The following PLCL2 variants were observed in gnomAD, a reference collection of about 807,000 sequenced individuals.
PLCL2 encodes the protein inactive phospholipase C-like protein 2.
A neutral mutation model predicts 79.6 loss-of-function variants in PLCL2; 4 were observed. That is an observed-to-expected ratio of 0.05 (90% CI 0.02 to 0.11). The LOEUF (loss-of-function observed/expected upper bound fraction) is 0.11. Ranked by LOEUF, PLCL2 falls within the 10% of genes least tolerant of loss-of-function variation. The probability of loss-of-function intolerance (pLI) is 1.00; values close to 1 mark genes in which losing one functional copy is unlikely to be tolerated. For synonymous variants in PLCL2, 484 were observed against 457.7 expected, an observed-to-expected ratio of 1.06 and a Z score of -0.73; for missense variants, 895 against 1,291.0, an observed-to-expected ratio of 0.69 and a Z score of 4.70.
chr3:17,057,808 A>G (rs1330995146), intron 4 of PLCL2, among the ~76,000 whole-genome samples: 1 of 152,234 alleles, frequency 6.6e-6, no homozygotes, highest in Non-Finnish European at 1.5e-5. Context: ...TGCCAAGAAC[A>G]GTGTTTGGTA....
chr3:17,033,988 C>T (rs1441677285), intron 3 of PLCL2, among the ~76,000 whole-genome samples: 3 of 152,126 alleles, frequency 2.0e-5, no homozygotes, highest in Non-Finnish European at 4.4e-5. Context: ...TTTAGGATTG[C>T]AGAACTGTCA....
At chr3:16,967,307 G>A (rs1409080062) in intron 1 of PLCL2, among the ~76,000 whole-genome samples, 1 of 152,032 alleles carries the variant, frequency 6.6e-6, no homozygotes, top group African/African-American at 2.4e-5. Context: ...TAGGGTGAAT[G>A]TAATTCTGTT....
At chr3:16,994,515 CT>C (rs1170399563) in intron 1 of PLCL2, among the ~76,000 whole-genome samples, 1 of 149,930 alleles carries the variant, frequency 6.7e-6, no homozygotes, top group Non-Finnish European at 1.5e-5. Flanking sequence ...CATATAACAC[CT>C]CTAAGTAGAA....
chr3:17,058,271 C>A (rs1386092233), intron 4 of PLCL2, among the ~76,000 whole-genome samples: 3 of 152,160 alleles, frequency 2.0e-5, no homozygotes, highest in African/African-American at 7.2e-5. Context: ...ACAGGAACAG[C>A]AAATGAGGTG....
intron 4 of PLCL2, among the ~76,000 whole-genome samples, chr3:17,048,762 A>G (rs552963395): frequency 6.6e-6 from 1 of 152,298 alleles, no homozygotes; most frequent in African/African-American, 2.4e-5. Context: ...TCATTCCAGT[A>G]AGTTGCATTC....
At chr3:16,885,524 C>T (rs1696199448) in intron 1 of PLCL2, among the ~76,000 whole-genome samples, 158 bp downstream of exon 1, 1 of 152,210 alleles carries the variant, frequency 6.6e-6, no homozygotes, top group African/African-American at 2.4e-5. Context: ...ATGCAAATGG[C>T]ATGTGGAAAG....
At chr3:16,927,276 G>C (rs1227430471) in intron 1 of PLCL2, among the ~76,000 whole-genome samples, 1 of 152,010 alleles carries the variant, frequency 6.6e-6, no homozygotes, top group African/African-American at 2.4e-5. Context: ...AGTGACCAAA[G>C]TGAATATTTT....
At chr3:16,979,390 G>C (rs1272803316) in intron 1 of PLCL2, among the ~76,000 whole-genome samples, 4 of 137,960 alleles carry the variant, frequency 2.9e-5, no homozygotes, top group Non-Finnish European at 6.2e-5. Context: ...CGCAGAGGGG[G>C]ATTTGGCAGG....
At chr3:17,076,174 A>G (rs1482340916) in intron 5 of PLCL2, among the ~76,000 whole-genome samples, 2 of 152,110 alleles carry the variant, frequency 1.3e-5, no homozygotes, top group Non-Finnish European at 2.9e-5. Flanking sequence ...ATCCTTGTCA[A>G]CACTTGGAAT....
chr3:17,064,916 G>A (rs2064993510), intron 4 of PLCL2, among the ~76,000 whole-genome samples: 1 of 138,470 alleles, frequency 7.2e-6, no homozygotes, highest in African/African-American at 2.7e-5. Flanking sequence ...GCAGCAGAGT[G>A]AGACTCTGTC....
At chr3:16,962,627 T>C (rs899689216) in intron 1 of PLCL2, among the ~76,000 whole-genome samples, 1 of 152,156 alleles carries the variant, frequency 6.6e-6, no homozygotes. Context: ...AAACTTGATA[T>C]TGTTAAAATT....
At chr3:17,041,325 A>G (rs943164508) in intron 3 of PLCL2, among the ~76,000 whole-genome samples, 1 of 152,206 alleles carries the variant, frequency 6.6e-6, no homozygotes, top group East Asian at 1.9e-4. Context: ...CCTGTAGGTC[A>G]GGTATCCCTG....
At chr3:16,962,997 C>A (rs1465467563) in intron 1 of PLCL2, among the ~76,000 whole-genome samples, 10 of 151,978 alleles carry the variant, frequency 6.6e-5, no homozygotes, top group Admixed American at 6.5e-4. Context: ...AAAATAGCTT[C>A]TTTTGAATTA....
At chr3:16,991,458 T>C (rs2064104668) in intron 1 of PLCL2, among the ~76,000 whole-genome samples, 1 of 152,226 alleles carries the variant, frequency 6.6e-6, no homozygotes, top group Non-Finnish European at 1.5e-5. Context: ...TGGATTTTTC[T>C]GGATCATGGG....
At chr3:16,890,074 AC>A (rs1381945415) in intron 1 of PLCL2, among the ~76,000 whole-genome samples, 3 of 152,240 alleles carry the variant, frequency 2.0e-5, no homozygotes, top group African/African-American at 7.2e-5. Context: ...TTTAGACCAC[AC>A]AAGTTAACTG....
In PLCL2 at chr3:17,010,732, T is replaced by C. The variant is rs767422379; in HGVS notation, c.1386T>C (p.Ala462=). The C allele has an allele frequency of 1.2e-6, 2 of 1,614,152 alleles. No homozygotes were observed. Among genetic ancestry groups the C allele is most frequent in the Non-Finnish European group, 1.7e-6 (2 of 1,180,012 alleles). The change falls in exon 2 of 6, where the codon GCT becomes GCC. Residue 462 remains alanine (A), a synonymous_variant. Transcript: ENST00000615277. The surrounding 1 kb of genome is among the most constrained non-coding windows in gnomAD (Gnocchi z 5.8). The part of the protein sequence containing the change: ...GPSDITGYIR[A]LKMGCRSVEL... ...CCGACATCACAGGATATATTCGAGCTCTTAAAATGGGTTGCCGGAGTGTTG... is the reference window on the plus strand; with the variant it reads ...CCGACATCACAGGATATATTCGAGCCCTTAAAATGGGTTGCCGGAGTGTTG...
intron 5 of PLCL2, chr3:17,081,503 G>A (rs1214768950): frequency 1.5e-5 from 4 of 268,622 alleles, no homozygotes; most frequent in African/African-American, 9.0e-5. Context: ...AATCCCTGTT[G>A]TTTTGCCCCT....
At chr3:17,054,607 T>C (rs967507558) in intron 4 of PLCL2, among the ~76,000 whole-genome samples, 3 of 151,980 alleles carry the variant, frequency 2.0e-5, no homozygotes, top group African/African-American at 7.3e-5. Flanking sequence ...TGCCATACAT[T>C]TTTAAACAAC....
At chr3:16,890,098 A>G (rs1696312402) in intron 1 of PLCL2, among the ~76,000 whole-genome samples, 1 of 152,244 alleles carries the variant, frequency 6.6e-6, no homozygotes, top group Non-Finnish European at 1.5e-5. Flanking sequence ...GAAAGGCCAA[A>G]GCATGGTTGC....
Sources: gnomAD v4.1 joint callset for allele counts (sites outside exome capture counted in the v4.1 genomes callset) on GRCh38, gnomAD v4.1.1 for gene constraint, Gnocchi (gnomAD v3.1) non-coding constraint, MANE v1.5 for transcripts, NCBI Gene and HGNC (gene_info 2026-07-23, HGNC 2026-07-21) for gene names.